FUZ: variants seen among roughly 807,000 people sequenced by gnomAD.
FUZ encodes fuzzy planar cell polarity protein, also known as protein fuzzy homolog.
A neutral mutation model predicts 43.1 loss-of-function variants in FUZ; 31 were observed. That is an observed-to-expected ratio of 0.72 (90% CI 0.54 to 0.97). The LOEUF (loss-of-function observed/expected upper bound fraction) is 0.97. Among genes scored for constraint, FUZ ranks in the 50% least tolerant of loss-of-function variants. The pLI, the probability that FUZ is intolerant of heterozygous loss-of-function variation, is 0.00. For missense variants in FUZ, 539 were observed against 543.8 expected (o/e 0.99, Z 0.09); for synonymous variants, 274 against 250.0 (o/e 1.10, Z -0.91).
At position 49,811,687 on chromosome 19, in the gene FUZ, C is replaced by G; in HGVS notation, c.331G>C (p.Gly111Arg). 1 of 1,613,884 alleles carries G rather than the reference C, an allele frequency of 6.2e-7. No individual in the cohort carries two copies. Among genetic ancestry groups the G allele is most frequent in the Non-Finnish European group, 8.5e-7 (1 of 1,179,808 alleles). ...CGGATATTGGTCAGTTCTTCAAGTCCCACAAGAAGGACCTAGAAGAATCAT... is the reference window on the plus strand; with the variant it reads ...CGGATATTGGTCAGTTCTTCAAGTCGCACAAGAAGGACCTAGAAGAATCAT... ...MVFGAMVLLVGLEELTNIRNV... is the reference protein window; with the variant it reads ...MVFGAMVLLVRLEELTNIRNV... Residue 111 changes from glycine (G) to arginine (R), a missense_variant, in exon 4 of 11, where the codon GGA (glycine) becomes CGA (arginine). Transcript: ENST00000313777.
At position 49,809,405 on chromosome 19, in the gene FUZ, C is replaced by G; in HGVS notation, c.663G>C (p.Pro221=). 1.3e-6 allele frequency: 2 copies of G among 1,543,512 alleles called. No homozygotes were observed. The highest frequency in any genetic ancestry group is 1.7e-6 in the Non-Finnish European group (2 of 1,146,830). Residue 221 remains proline, a synonymous_variant, in exon 6 of 11, where the codon CCG becomes CCC. Coordinates refer to ENST00000313777, the MANE Select transcript of FUZ (RefSeq NM_025129.5). This position sits in a 1 kb window ranked among gnomAD's most constrained non-coding sequence, Gnocchi z 5.1. ...TGGGGCTCCCGTGCGGCAGGTACAC[C>G]GGGTAGTCGCGAGCGGTCTGCGGCG... ...SLPPQTARDY[P]VYLPHGSPTV...
At position 49,809,438 on chromosome 19, in the gene FUZ, C is replaced by A; in HGVS notation, c.630G>T (p.Gly210=). 1 of 1,546,492 alleles carries A rather than the reference C, an allele frequency of 6.5e-7. No homozygotes were observed. Among genetic ancestry groups the A allele is most frequent in the Non-Finnish European group, 8.7e-7 (1 of 1,148,998 alleles). Residue 210 remains glycine (G), a synonymous_variant, in exon 6 of 11, where the codon GGG becomes GGT. Transcript: ENST00000313777. This position sits in a 1 kb window ranked among gnomAD's most constrained non-coding sequence, Gnocchi z 5.1. ...PEAVLLPWLV[G]SLPPQTARDY... Reference sequence around the variant, plus strand: ...CGCGAGCGGTCTGCGGCGGCAGGGACCCCACCAGCCAGGGGAGCAGCACGG... The same window carrying A: ...CGCGAGCGGTCTGCGGCGGCAGGGAACCCACCAGCCAGGGGAGCAGCACGG...
At chr19:49,808,896 A>G (rs922313399) in intron 7 of FUZ, 73 bp from the exon 8 acceptor site, 1 of 1,142,386 alleles carries the variant, frequency 8.8e-7, no homozygotes, top group East Asian at 2.6e-5. Flanking sequence ...GGGGTGTACA[A>G]GGATAGGGGC....
chr19:49,808,813 C>T lies in FUZ; in HGVS notation c.797G>A (p.Arg266His), dbSNP rs1424535134. The change falls in exon 8 of 11, where the codon CGC becomes CAC. Residue 266 changes from arginine (R) to histidine (H), a missense_variant. Transcript: ENST00000313777. ...CGGGTCCAGCAGTGGCTGCCACCAGCGCTCCAGAAGCTGCAGGGGGCGTGG... is the reference window on the plus strand; with the variant it reads ...CGGGTCCAGCAGTGGCTGCCACCAGTGCTCCAGAAGCTGCAGGGGGCGTGG... ...LSQLYPQLLE[R>H]WWQPLLDPLR... 1.3e-6 allele frequency: 2 copies of T among 1,550,424 alleles called. No homozygotes were observed. The highest frequency in any genetic ancestry group is 2.0e-5 in the Admixed American group (1 of 51,264).
chr19:49,810,488 C>G lies in FUZ; in HGVS notation c.492+875G>C, dbSNP rs561986097. Among the ~76,000 whole-genome samples, 14 of 151,754 alleles carry G rather than the reference C, an allele frequency of 9.2e-5. No individual in the cohort carries two copies. The South Asian group carries it at 2.9e-3, about 32-fold the overall frequency. On this transcript the variant is annotated intron_variant, in intron 5 of 10. Transcript: ENST00000313777. Reference sequence around the variant, plus strand: ...AGGCGTTCAAGACCAGCCTGGCCAACATAGTGAAACCCTGTCTCTACTAAA... The same window carrying G: ...AGGCGTTCAAGACCAGCCTGGCCAAGATAGTGAAACCCTGTCTCTACTAAA...
At position 49,809,370 on chromosome 19, in the gene FUZ, C is replaced by G. The variant is rs2073634350; in HGVS notation, c.690+8G>C. On this transcript the variant is annotated splice_region_variant and intron_variant, in intron 6 of 10. Coordinates refer to ENST00000313777, the MANE Select transcript of FUZ (RefSeq NM_025129.5). The surrounding 1 kb of genome is among the most constrained non-coding windows in gnomAD (Gnocchi z 5.1). ...ACATCCCTCCGTCGGTGCCCGCCACCCACTCACCGTGGGGCTCCCGTGCGG... is the reference window on the plus strand; with the variant it reads ...ACATCCCTCCGTCGGTGCCCGCCACGCACTCACCGTGGGGCTCCCGTGCGG... The G allele has an allele frequency of 6.5e-7, 1 of 1,544,818 alleles. No homozygotes were observed. Among genetic ancestry groups the G allele is most frequent in the Non-Finnish European group, 8.7e-7 (1 of 1,146,774 alleles).
Position 49,809,557 on chromosome 19 carries a change from C to A in FUZ, c.511G>T (p.Ala171Ser). 1 of 1,598,604 alleles carries A rather than the reference C, an allele frequency of 6.3e-7. No individual in the cohort carries two copies. The highest frequency in any genetic ancestry group is 2.2e-5 in the East Asian group (1 of 44,570). ...SLLQEALSGF[A>S]EAAGTTFVSL... ...ACGAAGGTCGTGCCCGCGGCCTCAGCGAACCCGGAGAGGGCTTCCTGGGTA... is the reference window on the plus strand; with the variant it reads ...ACGAAGGTCGTGCCCGCGGCCTCAGAGAACCCGGAGAGGGCTTCCTGGGTA... The change falls in exon 6 of 11, where the codon GCT becomes TCT. Residue 171 changes from alanine (A) to serine (S), a missense_variant. Physicochemically the swap from Ala to Ser is moderately conservative, Grantham distance 99. Transcript: ENST00000313777. This position sits in a 1 kb window ranked among gnomAD's most constrained non-coding sequence, Gnocchi z 5.1.
intron 7 of FUZ, 105 bp from the exon 8 acceptor site, chr19:49,808,928 G>A (rs1378694356): frequency 3.1e-6 from 3 of 975,402 alleles, no homozygotes; most frequent in Non-Finnish European, 4.7e-6. Context: ...GGAGGGGCGG[G>A]GCCTGCAAGA....
intron 5 of FUZ, among the ~76,000 whole-genome samples, chr19:49,810,095 TA>T (rs2073688669): frequency 6.6e-6 from 1 of 152,146 alleles, no homozygotes; most frequent in Admixed American, 6.6e-5. Flanking sequence ...AGCAACAGGT[TA>T]GGGGGTGCCA....
chr19:49,813,148 G>T lies in FUZ; in HGVS notation c.-42C>A. 6.7e-7 allele frequency: 1 copy of T among 1,492,388 alleles called. No homozygotes were observed. Among genetic ancestry groups the T allele is most frequent in the Non-Finnish European group, 9.1e-7 (1 of 1,093,830 alleles). 92.4% of individuals were successfully genotyped at this position (1,492,388 alleles called of 1,614,324 possible). ...GGTCCCTCACGTGGGGACTGTCAGT[G>T]CGGGTCTTGGAGCATGGCGGTAATC... On this transcript the variant is annotated 5_prime_UTR_variant, in exon 1 of 11. Coordinates refer to ENST00000313777, the MANE Select transcript of FUZ (RefSeq NM_025129.5).
intron 1 of FUZ, 29 bp from the exon 2 acceptor site, chr19:49,812,765 G>C (rs2123839357): frequency 6.2e-7 from 1 of 1,611,500 alleles, no homozygotes; most frequent in East Asian, 2.2e-5. Flanking sequence ...CATCAGACAA[G>C]AGCACCCCCC....
Position 49,809,194 on chromosome 19 carries a change from G to T in FUZ, c.755C>A (p.Pro252Gln), listed in dbSNP as rs376948728. ...ATACAACTGGCTGAGGGGTGGGCTC[G>T]GCCCGCAGAGTAGACACAGCTCCAG... ...PSLELCLLCG[P>Q]SPPLSQLYPQ... Residue 252 changes from proline to glutamine, a missense_variant, in exon 7 of 11, where the codon CCG (proline) becomes CAG (glutamine). Coordinates refer to ENST00000313777, the MANE Select transcript of FUZ (RefSeq NM_025129.5). The surrounding 1 kb of genome is among the most constrained non-coding windows in gnomAD (Gnocchi z 5.1). 16 of 1,551,504 alleles carry T rather than the reference G, an allele frequency of 1.0e-5. No homozygotes were observed. The highest frequency in any genetic ancestry group is 5.9e-5 in the Admixed American group (3 of 50,982).
Position 49,808,761 on chromosome 19 carries a change from G to C in FUZ, c.849C>G (p.Pro283=). 6.4e-7 allele frequency: 1 copy of C among 1,574,492 alleles called. No individual in the cohort carries two copies. Among genetic ancestry groups the C allele is most frequent in the South Asian group, 1.2e-5 (1 of 86,556 alleles). ...GGGGGAAGCCACTGGGCAGCGCCCGGGGTCCCAACGGCAGACAGGCCCGCA... is the reference window on the plus strand; with the variant it reads ...GGGGGAAGCCACTGGGCAGCGCCCGCGGTCCCAACGGCAGACAGGCCCGCA... ...DPLRACLPLG[P]RALPSGFPLH... The change falls in exon 8 of 11, where the codon CCC becomes CCG. Residue 283 remains proline (P), a synonymous_variant. Transcript: ENST00000313777.
intron 7 of FUZ, 133 bp from the exon 8 acceptor site, chr19:49,808,956 G>C: frequency 1.1e-6 from 1 of 884,788 alleles, no homozygotes; most frequent in Non-Finnish European, 1.8e-6. Flanking sequence ...AGGGCGGAGG[G>C]CAGAAGGGAC....
Position 49,813,038 on chromosome 19 carries a change from T to C in FUZ, c.69A>G (p.Leu23=). ...CGCCGCCGCGACTGCTCCTGCAGAA[T>C]AGGGGGACCCCGCTGGAGGCCGCGA... ...LCLAASSGVP[L]FCRSSRGGAP... Residue 23 remains leucine, a synonymous_variant, in exon 1 of 11, where the codon CTA becomes CTG. Coordinates refer to ENST00000313777, the MANE Select transcript of FUZ (RefSeq NM_025129.5). The C allele has an allele frequency of 1.3e-6, 2 of 1,551,276 alleles. No individual in the cohort carries two copies.
chr19:49,812,650 C>G lies in FUZ; in HGVS notation c.198G>C (p.Glu66Asp), dbSNP rs1331892800. The G allele has an allele frequency of 3.1e-6, 5 of 1,614,152 alleles. No individual in the cohort carries two copies. The Admixed American group carries it at 6.7e-5, about 22-fold the overall frequency. The change falls in exon 2 of 11, where the codon GAG becomes GAC. Residue 66 changes from glutamate (E) to aspartate (D), a missense_variant. Coordinates refer to ENST00000313777, the MANE Select transcript of FUZ (RefSeq NM_025129.5). Reference protein sequence around the residue: ...LEVQLSSARTENTTVVWKSFH... With the variant: ...LEVQLSSARTDNTTVVWKSFH... The stretch of plus-strand genomic sequence containing the variant: ...AGCTTTTCCACACCACAGTCGTGTT[C>G]TCGGTCCTCGCAGAGCTCAGCTGCA...
chr19:49,809,692 T>A lies in FUZ; in HGVS notation c.493-117A>T. The A allele has an allele frequency of 9.7e-7, 1 of 1,028,754 alleles. No individual in the cohort carries two copies. The highest frequency in any genetic ancestry group is 1.5e-6 in the Non-Finnish European group (1 of 688,664). The allele number at this position is 1,028,754 out of a possible 1,614,324, so 63.7% of individuals were successfully genotyped here. A position where few individuals can be genotyped will look rare whatever the true frequency, so the allele number is the denominator to read the frequency against. On this transcript the variant is annotated intron_variant, in intron 5 of 10. Transcript: ENST00000313777. The surrounding 1 kb of genome is among the most constrained non-coding windows in gnomAD (Gnocchi z 5.1). ...CACAGCCAGCCCCGAGCTCGCGCAG[T>A]GGCCATGCTCCTACGTCTCACCCTC...
chr19:49,808,941 A>G (rs941237584), intron 7 of FUZ, 118 bp from the exon 8 acceptor site: 15 of 922,858 alleles, frequency 1.6e-5, no homozygotes, highest in Non-Finnish European at 2.4e-5. Context: ...CTGCAAGAAG[A>G]GTGGAGGGCG....
Position 49,806,940 on chromosome 19 carries a change from G to T in FUZ, c.*211C>A, listed in dbSNP as rs1189748563. 6.5e-7 allele frequency: 1 copy of T among 1,533,790 alleles called. No homozygotes were observed. Among genetic ancestry groups the T allele is most frequent in the African/African-American group, 1.4e-5 (1 of 72,854 alleles). On this transcript the variant is annotated 3_prime_UTR_variant, in exon 11 of 11. Coordinates refer to ENST00000313777, the MANE Select transcript of FUZ (RefSeq NM_025129.5). ...GTTCATCTGCTGCTGTTTACATTCT[G>T]GGGGGTTAGGGGGAGTCCCCCTCCC...
Sources: allele counts gnomAD v4.1 joint callset (sites outside exome capture counted in the v4.1 genomes callset), GRCh38; gene constraint gnomAD v4.1.1; non-coding constraint Gnocchi (gnomAD v3.1); transcripts MANE v1.5; gene names NCBI Gene and HGNC (gene_info 2026-07-23, HGNC 2026-07-21).